CBX3: variants seen among roughly 807,000 people sequenced by gnomAD.
The protein encoded by CBX3 is chromobox protein homolog 3.
In CBX3, 5 loss-of-function variants were observed where a neutral mutation model predicts 22.6. The ratio of observed to expected loss-of-function variants is 0.22; its 90% CI spans 0.12 to 0.47. CBX3 has a LOEUF of 0.47. CBX3 is among the 20% of genes least tolerant of loss of function. CBX3 has a pLI of 0.99. For synonymous variants in CBX3, 50 were observed against 66.6 expected (o/e 0.75, Z 1.21); for missense variants, 83 against 208.1 (o/e 0.40, Z 3.70).
chr7:26,206,488 C>T lies in CBX3; in HGVS notation c.145C>T (p.Leu49=), dbSNP rs1267718141. ...AGTGAATGGGAAAGTGGAATATTTCCTGAAGTGGAAGGGATTTACAGAGTA... is the reference window on the plus strand; with the variant it reads ...AGTGAATGGGAAAGTGGAATATTTCTTGAAGTGGAAGGGATTTACAGAGTA... The part of the protein sequence containing the change: ...RVVNGKVEYF[L]KWKGFTDADN... The change falls in exon 3 of 6, where the codon CTG becomes TTG. Residue 49 remains leucine (L), a synonymous_variant. Transcript: ENST00000396386. 1 of 1,613,708 alleles carries T rather than the reference C, an allele frequency of 6.2e-7. No homozygotes were observed. Among genetic ancestry groups the T allele is most frequent in the Admixed American group, 1.7e-5 (1 of 59,970 alleles).
rs1181946327 is a variant in CBX3 at position 26,212,759 on chromosome 7, G to GA, written c.*554dup. ...TTCAAGTTAAATTGAAAATTTTCCT[G>GA]AAACCATACATTTCAAGTGAAATAA... On this transcript the variant is annotated 3_prime_UTR_variant, in exon 6 of 6. Transcript: ENST00000396386. The GA allele has an allele frequency of 1.2e-4, 19 of 152,358 alleles. No individual in the cohort carries two copies. The highest frequency in any genetic ancestry group is 4.6e-4 in the African/African-American group (19 of 41,580). The allele number at this position is 152,358 out of a possible 1,614,324, so 9.4% of individuals were successfully genotyped here.
chr7:26,208,566 A>C lies in CBX3; in HGVS notation c.330+11A>C, dbSNP rs1784733530. The C allele has an allele frequency of 4.1e-6, 6 of 1,450,758 alleles. No individual in the cohort carries two copies. Among genetic ancestry groups the C allele is most frequent in the Non-Finnish European group, 4.6e-6 (5 of 1,079,802 alleles). The allele number at this position is 1,450,758 out of a possible 1,614,324, so 89.9% of individuals were successfully genotyped here. On this transcript the variant is annotated intron_variant, in intron 4 of 5. Coordinates refer to ENST00000396386, the MANE Select transcript of CBX3 (RefSeq NM_016587.4). ...AAGAAAAGAGATGCTGTAAGTATAA[A>C]ATATTGCCCACCAGCTTGTCCTTTT...
chr7:26,205,166 G>GT (rs201801820), intron 2 of CBX3, among the ~76,000 whole-genome samples: 2,927 of 151,954 alleles, frequency 0.019, 45 homozygotes, highest in Non-Finnish European at 0.031. Flanking sequence ...CCATTTCAGG[G>GT]TTTTTTTTCC....
intron 1 of CBX3, 59 bp from the exon 2 acceptor site, chr7:26,202,912 T>A (rs1302022957): frequency 9.5e-7 from 1 of 1,052,126 alleles, no homozygotes; most frequent in Admixed American, 1.8e-5. Context: ...ACAGAATTTG[T>A]ATTTAGTTAC....
At position 26,206,524 on chromosome 7, in the gene CBX3, G is replaced by A; in HGVS notation, c.167+14G>A. ...GGGATTTACAGAGTAAGAAACTTTAGTGCATCTTTACTATATGTTTAACTG... is the reference window on the plus strand; with the variant it reads ...GGGATTTACAGAGTAAGAAACTTTAATGCATCTTTACTATATGTTTAACTG... On this transcript the variant is annotated intron_variant, in intron 3 of 5. Coordinates refer to ENST00000396386, the MANE Select transcript of CBX3 (RefSeq NM_016587.4). 3 of 1,590,402 alleles carry A rather than the reference G, an allele frequency of 1.9e-6. No homozygotes were observed. The highest frequency in any genetic ancestry group is 2.6e-6 in the Non-Finnish European group (3 of 1,166,398).
intron 2 of CBX3, among the ~76,000 whole-genome samples, chr7:26,204,218 G>A (rs1376236676): frequency 6.8e-6 from 1 of 148,106 alleles, no homozygotes; most frequent in Non-Finnish European, 1.5e-5. Flanking sequence ...ATACTGTATG[G>A]CATTTTGTCT....
At chr7:26,211,792 A>G in intron 5 of CBX3, 36 bp downstream of exon 5, 1 of 1,428,182 alleles carries the variant, frequency 7.0e-7, no homozygotes, top group Non-Finnish European at 9.6e-7. Context: ...TGAAAGTAAG[A>G]GTAGCTTTTT....
At chr7:26,203,608 T>G (rs1377641202) in intron 2 of CBX3, among the ~76,000 whole-genome samples, 1 of 150,158 alleles carries the variant, frequency 6.7e-6, no homozygotes, top group African/African-American at 2.4e-5. Flanking sequence ...AAAGGCTAGA[T>G]TTTTTTTTTA....
chr7:26,206,907 G>A (rs1345302596), intron 3 of CBX3, among the ~76,000 whole-genome samples: 1 of 152,126 alleles, frequency 6.6e-6, no homozygotes, highest in Non-Finnish European at 1.5e-5. Flanking sequence ...TATAATCTAG[G>A]CTTTATACTA....
At chr7:26,207,421 G>A (rs1227839652) in intron 3 of CBX3, among the ~76,000 whole-genome samples, 1 of 152,170 alleles carries the variant, frequency 6.6e-6, no homozygotes, top group Non-Finnish European at 1.5e-5. Flanking sequence ...AAAACATTAG[G>A]AAATGAATGG....
rs781051786 is a variant in CBX3, at chr7:26,202,993, T to C, written c.-6T>C. On this transcript the variant is annotated 5_prime_UTR_variant, in exon 2 of 6. Transcript: ENST00000396386. ...TAGTAATAGCTCTTCAAGTCTGCAATAAAAAATGGCCTCCAACAAAACTAC... is the reference window on the plus strand; with the variant it reads ...TAGTAATAGCTCTTCAAGTCTGCAACAAAAAATGGCCTCCAACAAAACTAC... 1 of 1,608,004 alleles carries C rather than the reference T, an allele frequency of 6.2e-7. No individual in the cohort carries two copies. The highest frequency in any genetic ancestry group is 8.5e-7 in the Non-Finnish European group (1 of 1,174,938).
intron 4 of CBX3, chr7:26,210,116 C>G (rs1784770951): frequency 6.6e-6 from 1 of 151,876 alleles, no homozygotes; most frequent in South Asian, 2.1e-4. Flanking sequence ...ATAGTGAGAC[C>G]CCATCTCTAC....
chr7:26,207,833 G>C (rs1784713706), intron 3 of CBX3, among the ~76,000 whole-genome samples: 1 of 151,826 alleles, frequency 6.6e-6, no homozygotes, highest in East Asian at 1.9e-4. Flanking sequence ...AGACTTTAAT[G>C]AAAATAATAC....
Position 26,201,914 on chromosome 7 carries a change from C to T in CBX3, c.-29+88C>T, listed in dbSNP as rs567649697. ...CCCGGGGGCCCGGTTCTCCGCTCCC[C>T]TCCCCTCCCCTTCTCGCCGGACCCC... On this transcript the variant is annotated intron_variant, in intron 1 of 5. Transcript: ENST00000396386. The T allele has an allele frequency of 2.6e-5, 4 of 151,974 alleles. No individual in the cohort carries two copies. In the South Asian group the frequency reaches 6.2e-4, roughly 24 times the overall value. The allele number at this position is 151,974 out of a possible 1,614,324, so 9.4% of individuals were successfully genotyped here.
intron 2 of CBX3, among the ~76,000 whole-genome samples, chr7:26,204,731 G>A (rs1784636082): frequency 6.6e-6 from 1 of 152,048 alleles, no homozygotes; most frequent in Non-Finnish European, 1.5e-5. Context: ...TTACTTGTGG[G>A]ATGGCTTTAA....
rs902029196 is a variant in CBX3 at position 26,203,131 on chromosome 7, A to C, written c.24+109A>C. The C allele has an allele frequency of 7.2e-6, 5 of 696,122 alleles. No homozygotes were observed. The East Asian group carries it at 1.7e-4, about 23-fold the overall frequency. The allele number at this position is 696,122 out of a possible 1,614,324, so 43.1% of individuals were successfully genotyped here. A position where few individuals can be genotyped will look rare whatever the true frequency, so the allele number is the denominator to read the frequency against. ...AGAAATTTACATCCACATATTTCCC[A>C]GCTCTCCCAGTGTAAATTACAGGGG... On this transcript the variant is annotated intron_variant, in intron 2 of 5. Transcript: ENST00000396386.
rs1273391431 is a variant in CBX3, at chr7:26,213,141, AC to A, written c.*934del. 3 of 152,760 alleles carry A rather than the reference AC, an allele frequency of 2.0e-5. No individual in the cohort carries two copies. The highest frequency in any genetic ancestry group is 4.4e-5 in the Non-Finnish European group (3 of 68,044). The allele number at this position is 152,760 out of a possible 1,614,324, so 9.5% of individuals were successfully genotyped here. A position where few individuals can be genotyped will look rare whatever the true frequency, so the allele number is the denominator to read the frequency against. On this transcript the variant is annotated 3_prime_UTR_variant, in exon 6 of 6. Coordinates refer to ENST00000396386, the MANE Select transcript of CBX3 (RefSeq NM_016587.4). The stretch of plus-strand genomic sequence containing the variant: ...AGGACCTGCTGTCATAAATGTGTGA[AC>A]AACCTTTTGTAACCTAACCTATTGA...
At chr7:26,206,133 G>C in intron 2 of CBX3, 1 of 411,768 alleles carries the variant, frequency 2.4e-6, no homozygotes, top group East Asian at 4.5e-5. Flanking sequence ...TCCAGATAGT[G>C]TTTTTTTATT....
rs1784732327 is a variant in CBX3 at position 26,208,529 on chromosome 7, A to G, written c.304A>G (p.Ser102Gly). The change falls in exon 4 of 6, where the codon AGC becomes GGC. Residue 102 changes from serine to glycine, a missense_variant. By Grantham distance (56) the Ser-to-Gly change is moderately conservative. Transcript: ENST00000396386. ...KSLSDSESDD[S>G]KSKKKRDAAD... ...TTTATCTGACAGTGAATCTGATGACAGCAAATCAAAGAAGAAAAGAGATGC... is the reference window on the plus strand; with the variant it reads ...TTTATCTGACAGTGAATCTGATGACGGCAAATCAAAGAAGAAAAGAGATGC... 1 of 1,612,002 alleles carries G rather than the reference A, an allele frequency of 6.2e-7. No homozygotes were observed. Among genetic ancestry groups the G allele is most frequent in the Non-Finnish European group, 8.5e-7 (1 of 1,178,888 alleles).
Sources: gnomAD v4.1 joint callset for allele counts (sites outside exome capture counted in the v4.1 genomes callset) on GRCh38, gnomAD v4.1.1 for gene constraint, MANE v1.5 for transcripts, NCBI Gene and HGNC (gene_info 2026-07-23, HGNC 2026-07-21) for gene names.